ZNF141: variants seen among roughly 807,000 people sequenced by gnomAD.
ZNF141 encodes zinc finger protein 141, also known as zinc finger protein 141 (clone pHZ-44).
ZNF141 carries 7 observed loss-of-function variants against 11.3 expected under a neutral mutation model. That is an observed-to-expected ratio of 0.62 (90% CI 0.35 to 1.16). ZNF141 has a LOEUF of 1.16. Ranked by LOEUF, ZNF141 falls within the 50% of genes most tolerant of loss-of-function variation. ZNF141 has a pLI of 0.02. For missense variants in ZNF141, 535 were observed against 554.0 expected (o/e 0.97, Z 0.34); for synonymous variants, 183 against 190.7 (o/e 0.96, Z 0.33).
intron 3 of ZNF141, among the ~76,000 whole-genome samples, chr4:364,849 C>A (rs1200999255): frequency 6.7e-6 from 1 of 150,176 alleles, no homozygotes; most frequent in Non-Finnish European, 1.5e-5. Flanking sequence ...CTGGGAGAAC[C>A]ACGATTCTCT....
intron 3 of ZNF141, among the ~76,000 whole-genome samples, chr4:354,792 A>G (rs1413720885): frequency 1.3e-5 from 2 of 151,882 alleles, no homozygotes; most frequent in African/African-American, 2.4e-5. Context: ...TCTTTGACCC[A>G]TTGGTTGTTC....
chr4:357,370 G>A (rs1721890316), intron 3 of ZNF141, among the ~76,000 whole-genome samples: 1 of 149,748 alleles, frequency 6.7e-6, no homozygotes, highest in South Asian at 2.1e-4. Flanking sequence ...AGTGAGCCGA[G>A]ATGTCACCAC....
At chr4:370,795 A>G (rs988032120) in intron 3 of ZNF141, among the ~76,000 whole-genome samples, 2 of 152,054 alleles carry the variant, frequency 1.3e-5, no homozygotes, top group Admixed American at 1.3e-4. Context: ...CAGTGGCACA[A>G]TCTTGGCTCA....
At chr4:367,075 C>G (rs1488782296) in intron 3 of ZNF141, among the ~76,000 whole-genome samples, 3 of 152,192 alleles carry the variant, frequency 2.0e-5, no homozygotes, top group Non-Finnish European at 4.4e-5. Flanking sequence ...AGTAAAGACC[C>G]TATATGACAG....
intron 3 of ZNF141, among the ~76,000 whole-genome samples, chr4:346,777 A>G (rs888433171): frequency 1.3e-5 from 2 of 151,704 alleles, no homozygotes; most frequent in African/African-American, 4.9e-5. Flanking sequence ...AGGTCTATCC[A>G]TGTTGTAAAT....
chr4:356,074 G>C (rs1553851167), intron 3 of ZNF141, among the ~76,000 whole-genome samples: 1 of 151,568 alleles, frequency 6.6e-6, no homozygotes, highest in African/African-American at 2.4e-5. Flanking sequence ...CTACTAAAAT[G>C]ACAAAAACTA....
chr4:339,080 G>A (rs554875608), intron 1 of ZNF141, among the ~76,000 whole-genome samples: 1 of 152,332 alleles, frequency 6.6e-6, no homozygotes, highest in East Asian at 1.9e-4. Context: ...ACCCACTCCT[G>A]AGCCCGCCCA....
chr4:347,738 T>TG (rs1260058201), intron 3 of ZNF141, among the ~76,000 whole-genome samples: 15 of 120,144 alleles, frequency 1.2e-4, no homozygotes, highest in African/African-American at 3.7e-4. Flanking sequence ...ATTTCTTCTT[T>TG]GGGAAAAAAA....
rs1712384521 is a variant in ZNF141 at position 376,714 on chromosome 4, A to G, written c.*2852A>G. Among the ~76,000 whole-genome samples, 1 of 152,124 alleles carries G rather than the reference A, an allele frequency of 6.6e-6. No individual in the cohort carries two copies. Among genetic ancestry groups the G allele is most frequent in the South Asian group, 2.1e-4 (1 of 4,834 alleles). ...AATTATAGAGCAAGCAATTGTGTTT[A>G]TGTGAGTTTGTACCTATTTTCCAAA... On this transcript the variant is annotated 3_prime_UTR_variant, in exon 4 of 4. Transcript: ENST00000240499.
intron 3 of ZNF141, among the ~76,000 whole-genome samples, chr4:357,240 C>T (rs1029292645): frequency 2.6e-5 from 4 of 152,088 alleles, no homozygotes; most frequent in Non-Finnish European, 5.9e-5. Context: ...AGGCATGAGC[C>T]ATCAGGCCCA....
chr4:339,415 T>TTCTC (rs1553848076), intron 1 of ZNF141, among the ~76,000 whole-genome samples: 2 of 152,240 alleles, frequency 1.3e-5, no homozygotes, highest in African/African-American at 2.4e-5. Flanking sequence ...GATAGCACCT[T>TTCTC]TCTTCTGCTC....
rs1346304048 is a variant in ZNF141, at chr4:382,033, C to T, written c.*8171C>T. Among the ~76,000 whole-genome samples the T allele has an allele frequency of 4.0e-5, 6 of 150,300 alleles. No homozygotes were observed. Among genetic ancestry groups the T allele is most frequent in the African/African-American group, 1.5e-4 (6 of 40,466 alleles). ...CGATCTCGGCTCACTGCAAGCTCCACCTCCCAGGTTCACGCCATTCTCCTG... is the reference window on the plus strand; with the variant it reads ...CGATCTCGGCTCACTGCAAGCTCCATCTCCCAGGTTCACGCCATTCTCCTG... On this transcript the variant is annotated 3_prime_UTR_variant, in exon 4 of 4. Transcript: ENST00000240499.
chr4:339,591 G>T (rs1311637623), intron 1 of ZNF141, among the ~76,000 whole-genome samples: 2 of 152,210 alleles, frequency 1.3e-5, no homozygotes, highest in African/African-American at 2.4e-5. Flanking sequence ...TCTTTAGAAT[G>T]AGGAAAGAAT....
rs1553853817 is a variant in ZNF141, at chr4:372,933, A to G, written c.496A>G (p.Arg166Gly). ...KFSNSNKRKT[R>G]HTGEKHFKEC... ...TTCAAATTCAAACAAACGTAAGACA[A>G]GACATACTGGAGAGAAACACTTTAA... The change falls in exon 4 of 4, where the codon AGA (arginine) becomes GGA (glycine). Residue 166 changes from arginine to glycine, a missense_variant. Transcript: ENST00000240499. 1 of 1,614,140 alleles carries G rather than the reference A, an allele frequency of 6.2e-7. No individual in the cohort carries two copies.
rs1213699781 is a variant in ZNF141, at chr4:378,747, AC to A, written c.*4887del. The stretch of plus-strand genomic sequence containing the variant: ...TGGGCTACAGTTTTCATTTTTACTC[AC>A]CTAACTTTATCCAAGTCCTTGGTCA... On this transcript the variant is annotated 3_prime_UTR_variant, in exon 4 of 4. Coordinates refer to ENST00000240499, the MANE Select transcript of ZNF141 (RefSeq NM_003441.4). 6.6e-6 allele frequency among the ~76,000 whole-genome samples: 1 copy of A among 150,684 alleles called. No individual in the cohort carries two copies. Among genetic ancestry groups the A allele is most frequent in the African/African-American group, 2.4e-5 (1 of 40,852 alleles).
At position 378,115 on chromosome 4, in the gene ZNF141, ATGT is replaced by A. The variant is rs1284401376; in HGVS notation, c.*4257_*4259del. ...AGGATGCAGAGGTTGCAGTGAGCTG[ATGT>A]TGTGCCACTGCAGTGCAGCCTGCCA... On this transcript the variant is annotated 3_prime_UTR_variant, in exon 4 of 4. Transcript: ENST00000240499. 6 of 152,122 alleles carry A rather than the reference ATGT, an allele frequency of 3.9e-5. No individual in the cohort carries two copies. The highest frequency in any genetic ancestry group is 1.2e-4 in the African/African-American group (5 of 41,514). 9.4% of individuals were successfully genotyped at this position (152,122 alleles called of 1,614,324 possible). A position where few individuals can be genotyped will look rare whatever the true frequency, so the allele number is the denominator to read the frequency against.
rs1358774218 is a variant in ZNF141, at chr4:382,818, T to C, written c.*8956T>C. On this transcript the variant is annotated 3_prime_UTR_variant, in exon 4 of 4. Coordinates refer to ENST00000240499, the MANE Select transcript of ZNF141 (RefSeq NM_003441.4). ...CATGGGCTTCAGAATCAGGCCAACG[T>C]TGATCCTGAGTCCCAGCCAGCTGCT... The C allele has an allele frequency of 1.5e-4, 40 of 259,682 alleles. No homozygotes were observed. The highest frequency in any genetic ancestry group is 1.5e-4 in the Non-Finnish European group (20 of 134,798). 16.1% of individuals were successfully genotyped at this position (259,682 alleles called of 1,614,324 possible). A position where few individuals can be genotyped will look rare whatever the true frequency, so the allele number is the denominator to read the frequency against.
intron 3 of ZNF141, among the ~76,000 whole-genome samples, chr4:355,392 G>T (rs1274287613): frequency 1.3e-5 from 2 of 151,994 alleles, no homozygotes; most frequent in Non-Finnish European, 2.9e-5. Flanking sequence ...TTTTAGTAGA[G>T]ACAGGGTTTC....
intron 3 of ZNF141, among the ~76,000 whole-genome samples, chr4:369,327 A>C (rs1292424765): frequency 2.0e-5 from 3 of 152,102 alleles, no homozygotes; most frequent in African/African-American, 7.2e-5. Context: ...CTTAAGATGT[A>C]CTTTGTGTTA....
Sources: allele counts gnomAD v4.1 joint callset (sites outside exome capture counted in the v4.1 genomes callset), GRCh38; gene constraint gnomAD v4.1.1; transcripts MANE v1.5; gene names NCBI Gene and HGNC (gene_info 2026-07-23, HGNC 2026-07-21).